Variants in FAF2 observed in about 807,000 individuals in gnomAD.
FAF2 encodes the protein FAS-associated factor 2.
FAF2 carries 9 observed loss-of-function variants against 62.3 expected under a neutral mutation model. That is an observed-to-expected ratio of 0.14 (90% CI 0.09 to 0.25). FAF2 has a LOEUF of 0.25. FAF2 is among the 10% of genes least tolerant of loss of function. The pLI is 1.00. For missense variants in FAF2, 368 were observed against 556.2 expected (o/e 0.66, Z 3.40); for synonymous variants, 202 against 198.0 (o/e 1.02, Z -0.17).
intron 1 of FAF2, among the ~76,000 whole-genome samples, chr5:176,472,898 C>G (rs1263450178): frequency 6.6e-6 from 1 of 152,084 alleles, no homozygotes; most frequent in Non-Finnish European, 1.5e-5. Context: ...AATGTTTCCT[C>G]CCTTCTTGTT....
intron 4 of FAF2, 49 bp from the exon 5 acceptor site, chr5:176,492,144 AT>A: frequency 6.2e-7 from 1 of 1,611,512 alleles, no homozygotes. Context: ...CCCACTCGAT[AT>A]GCACTGTAGT....
intron 1 of FAF2, among the ~76,000 whole-genome samples, chr5:176,458,567 CTAATTTTT>C (rs1040775910): frequency 2.6e-5 from 4 of 151,474 alleles, no homozygotes; most frequent in Non-Finnish European, 5.9e-5. Flanking sequence ...CCACACCCAG[CTAATTTTT>C]GTATTTTTTA....
chr5:176,476,537 T>C (rs1456424952), intron 1 of FAF2, among the ~76,000 whole-genome samples: 2 of 151,210 alleles, frequency 1.3e-5, no homozygotes, highest in Non-Finnish European at 2.9e-5. Flanking sequence ...TAGGAAACAA[T>C]AGGCACATAA....
In FAF2 at chr5:176,457,489, C is replaced by A. The variant is rs1036840295; in HGVS notation, c.63+9019C>A. Among the ~76,000 whole-genome samples, 4 of 152,208 alleles carry A rather than the reference C, an allele frequency of 2.6e-5. No individual in the cohort carries two copies. The South Asian group carries it at 8.3e-4, about 32-fold the overall frequency. ...TACAGGCGTGAGCCACTGTGCCCGG[C>A]CATAAACGTTAATTTTGTCATTTTT... is the stretch of plus-strand genomic sequence containing the variant. On this transcript the variant is annotated intron_variant, in intron 1 of 10. Transcript: ENST00000261942.
intron 1 of FAF2, among the ~76,000 whole-genome samples, chr5:176,463,464 G>T (rs113243428): frequency 2.6e-5 from 4 of 151,430 alleles, no homozygotes; most frequent in Non-Finnish European, 5.9e-5. Flanking sequence ...AACCTTTTAA[G>T]CTAGTTCAGA....
Position 176,494,194 on chromosome 5 carries a change from T to C in FAF2, c.580T>C (p.Cys194Arg). The C allele has an allele frequency of 1.2e-6, 2 of 1,614,210 alleles. No individual in the cohort carries two copies. Among genetic ancestry groups the C allele is most frequent in the Non-Finnish European group, 1.7e-6 (2 of 1,180,018 alleles). Residue 194 changes from cysteine to arginine, a missense_variant, in exon 7 of 11, where the codon TGT becomes CGT. Cys to Arg is a radical substitution (Grantham distance 180). Coordinates refer to ENST00000261942, the MANE Select transcript of FAF2 (RefSeq NM_014613.3). The surrounding 1 kb of genome is among the most constrained non-coding windows in gnomAD (Gnocchi z 4.0). ...CATACCTTTCCACAGCAACACACTCTGTGCACCTGAAGTTATTTCACTAAT... is the reference window on the plus strand; with the variant it reads ...CATACCTTTCCACAGCAACACACTCCGTGCACCTGAAGTTATTTCACTAAT... ...DSDEFCRNTLCAPEVISLINT... is the reference protein window; with the variant it reads ...DSDEFCRNTLRAPEVISLINT...
At position 176,509,608 on chromosome 5, in the gene FAF2, A is replaced by G. The variant is rs1755745066; in HGVS notation, c.*2658A>G. On this transcript the variant is annotated 3_prime_UTR_variant, in exon 11 of 11. Coordinates refer to ENST00000261942, the MANE Select transcript of FAF2 (RefSeq NM_014613.3). ...TGGAGCCCTTCTGGTCTTTTCTTCC[A>G]CTTCTGCAGAATTTCCTCTAGCAAA... 1 of 152,532 alleles carries G rather than the reference A, an allele frequency of 6.6e-6. No individual in the cohort carries two copies. Among genetic ancestry groups the G allele is most frequent in the Non-Finnish European group, 1.5e-5 (1 of 68,022 alleles). 9.4% of individuals were successfully genotyped at this position (152,532 alleles called of 1,614,324 possible). A position where few individuals can be genotyped will look rare whatever the true frequency, so the allele number is the denominator to read the frequency against.
intron 1 of FAF2, among the ~76,000 whole-genome samples, chr5:176,449,461 G>A (rs1345679980): frequency 6.6e-6 from 1 of 152,156 alleles, no homozygotes; most frequent in Non-Finnish European, 1.5e-5. Context: ...TGTGGTCCCA[G>A]CTACTCGGGA....
chr5:176,450,230 A>T (rs1264769897), intron 1 of FAF2, among the ~76,000 whole-genome samples: 1 of 152,206 alleles, frequency 6.6e-6, no homozygotes, highest in Non-Finnish European at 1.5e-5. Context: ...GCTGTCATAG[A>T]TGTAATTGAC....
At chr5:176,464,113 A>ATTCTTTTTTTTGT (rs1361075801) in intron 1 of FAF2, among the ~76,000 whole-genome samples, 1 of 151,784 alleles carries the variant, frequency 6.6e-6, no homozygotes, top group Non-Finnish European at 1.5e-5. Context: ...TCTTCCACTT[A>ATTCTTTTTTTTGT]TTCTTTTTTT....
At position 176,508,394 on chromosome 5, in the gene FAF2, G is replaced by C. The variant is rs1442463292; in HGVS notation, c.*1444G>C. ...TAGTTCCTAGAATGCTGTGAGGGCG[G>C]GGGGTTCAGATCAACATAAAGCCTA... On this transcript the variant is annotated 3_prime_UTR_variant, in exon 11 of 11. Transcript: ENST00000261942. 6.6e-6 allele frequency: 1 copy of C among 152,168 alleles called. No individual in the cohort carries two copies. Among genetic ancestry groups the C allele is most frequent in the African/African-American group, 2.4e-5 (1 of 41,436 alleles). 9.4% of individuals were successfully genotyped at this position (152,168 alleles called of 1,614,324 possible). A position where few individuals can be genotyped will look rare whatever the true frequency, so the allele number is the denominator to read the frequency against.
chr5:176,486,218 A>G lies in FAF2; in HGVS notation c.133-137A>G, dbSNP rs1758871688. 15 of 996,530 alleles carry G rather than the reference A, an allele frequency of 1.5e-5. No individual in the cohort carries two copies. In the South Asian group the frequency reaches 2.5e-4, roughly 17 times the overall value. 61.7% of individuals were successfully genotyped at this position (996,530 alleles called of 1,614,324 possible). ...AGTACAGCCGGTTAACAGGCCCATG[A>G]AGGTGCACTCCTCAGTGACCTTTTG... On this transcript the variant is annotated intron_variant, in intron 2 of 10. Transcript: ENST00000261942.
intron 10 of FAF2, among the ~76,000 whole-genome samples, chr5:176,503,291 A>C (rs1755624697): frequency 6.6e-6 from 1 of 152,080 alleles, no homozygotes; most frequent in Non-Finnish European, 1.5e-5. Flanking sequence ...GCAGTGGCTC[A>C]TGCCTGTAAT....
At chr5:176,460,598 T>C (rs1758362001) in intron 1 of FAF2, among the ~76,000 whole-genome samples, 2 of 150,418 alleles carry the variant, frequency 1.3e-5, no homozygotes, top group Admixed American at 1.3e-4. Context: ...TGGGCTAGAG[T>C]GTAGTGGCAT....
intron 4 of FAF2, among the ~76,000 whole-genome samples, chr5:176,490,851 A>G (rs1258778002): frequency 2.6e-5 from 4 of 152,128 alleles, no homozygotes; most frequent in Non-Finnish European, 5.9e-5. Context: ...GGAAAAAAAA[A>G]TAAAGGCTTT....
chr5:176,478,409 G>T (rs1017009024), intron 1 of FAF2, among the ~76,000 whole-genome samples: 2 of 152,132 alleles, frequency 1.3e-5, no homozygotes, highest in African/African-American at 4.8e-5. Flanking sequence ...AGTCTGGGAA[G>T]TTGAGACTGC....
chr5:176,452,309 C>T (rs556249594), intron 1 of FAF2, among the ~76,000 whole-genome samples: 6 of 152,248 alleles, frequency 3.9e-5, no homozygotes, highest in Admixed American at 6.5e-5. Context: ...CCACCTGCCT[C>T]GGCCTCCCAA....
At chr5:176,503,880 G>T (rs538797190) in intron 10 of FAF2, among the ~76,000 whole-genome samples, 1 of 152,060 alleles carries the variant, frequency 6.6e-6, no homozygotes, top group Non-Finnish European at 1.5e-5. Context: ...AAAAAATGCC[G>T]GCCGAGTGCG....
chr5:176,506,430 TAAAG>T (rs1755686152), intron 10 of FAF2, among the ~76,000 whole-genome samples: 1 of 152,166 alleles, frequency 6.6e-6, no homozygotes, highest in African/African-American at 2.4e-5. Flanking sequence ...TCAACTGAGT[TAAAG>T]AAAAAAATTA....
Sources: allele counts gnomAD v4.1 joint callset (sites outside exome capture counted in the v4.1 genomes callset), GRCh38; gene constraint gnomAD v4.1.1; non-coding constraint Gnocchi (gnomAD v3.1); transcripts MANE v1.5; gene names NCBI Gene and HGNC (gene_info 2026-07-23, HGNC 2026-07-21).